CYP7B1: variants seen among roughly 807,000 people sequenced by gnomAD.
The protein encoded by CYP7B1 is cytochrome P450 family 7 subfamily B member 1, also known as cytochrome P450 7B1.
Under a neutral mutation model 42.7 loss-of-function variants are expected in CYP7B1, and 29 were observed. The observed-to-expected ratio is 0.68, with a 90% CI of 0.51 to 0.93. The LOEUF (loss-of-function observed/expected upper bound fraction) is 0.93. Ranked by LOEUF, CYP7B1 falls within the 40% of genes least tolerant of loss-of-function variation. The pLI is 0.00. For synonymous variants in CYP7B1, 235 were observed against 218.2 expected, an observed-to-expected ratio of 1.08 and a Z score of -0.68; for missense variants, 655 against 600.5, an observed-to-expected ratio of 1.09 and a Z score of -0.95.
chr8:64,736,703 C>A (rs977689003), intron 1 of CYP7B1, among the ~76,000 whole-genome samples: 1 of 152,232 alleles, frequency 6.6e-6, no homozygotes, highest in Non-Finnish European at 1.5e-5. Flanking sequence ...CCCGCCTCAG[C>A]CTCCCAAAGT....
intron 1 of CYP7B1, among the ~76,000 whole-genome samples, chr8:64,687,867 G>T (rs983922373): frequency 3.3e-5 from 5 of 152,136 alleles, no homozygotes; most frequent in African/African-American, 1.2e-4. Flanking sequence ...TTACTTATAG[G>T]TCTTTTCTCT....
chr8:64,634,199 TTAA>T (rs1469366021), intron 1 of CYP7B1, among the ~76,000 whole-genome samples: 1 of 152,192 alleles, frequency 6.6e-6, no homozygotes, highest in East Asian at 1.9e-4. Flanking sequence ...GATTGAGGTA[TTAA>T]TAATAACATT....
At chr8:64,786,661 C>A (rs980672152) in intron 1 of CYP7B1, among the ~76,000 whole-genome samples, 2 of 152,172 alleles carry the variant, frequency 1.3e-5, no homozygotes, top group Non-Finnish European at 2.9e-5. Flanking sequence ...GTCAGTGGAT[C>A]TACCATTATG....
chr8:64,694,364 C>T (rs144293391), intron 1 of CYP7B1, among the ~76,000 whole-genome samples: 156 of 152,266 alleles, frequency 1.0e-3, no homozygotes, highest in African/African-American at 3.4e-3. Context: ...TTTCTGTTTA[C>T]CTCCACTCTA....
At chr8:64,721,020 A>T (rs1807227516) in intron 1 of CYP7B1, among the ~76,000 whole-genome samples, 1 of 152,046 alleles carries the variant, frequency 6.6e-6, no homozygotes, top group African/African-American at 2.4e-5. Context: ...AAAACAAAAG[A>T]TCAAAATAAA....
chr8:64,781,590 C>T (rs1414334627), intron 1 of CYP7B1, among the ~76,000 whole-genome samples: 1 of 152,136 alleles, frequency 6.6e-6, no homozygotes, highest in Non-Finnish European at 1.5e-5. Flanking sequence ...TCAAGTATTT[C>T]TCAAATCATA....
At chr8:64,778,085 T>A (rs899104389) in intron 1 of CYP7B1, among the ~76,000 whole-genome samples, 1 of 151,154 alleles carries the variant, frequency 6.6e-6, no homozygotes, top group African/African-American at 2.4e-5. Context: ...TGATTTCATA[T>A]GTTCTAGGAA....
Position 64,709,711 on chromosome 8 carries a change from A to G in CYP7B1, c.123-85172T>C, listed in dbSNP as rs375262461. On this transcript the variant is annotated intron_variant, in intron 1 of 5. Coordinates refer to ENST00000310193, the MANE Select transcript of CYP7B1 (RefSeq NM_004820.5). The stretch of plus-strand genomic sequence containing the variant: ...TCATAATTTGTGTTACAAGCGCCAG[A>G]AAAAGGATAAACGGCATACACAGTG... 2.6e-5 allele frequency among the ~76,000 whole-genome samples: 4 copies of G among 152,228 alleles called. No homozygotes were observed. In the East Asian group the frequency reaches 5.8e-4, roughly 22 times the overall value.
intron 1 of CYP7B1, among the ~76,000 whole-genome samples, chr8:64,686,179 G>A (rs1806638454): frequency 2.9e-5 from 2 of 69,320 alleles, no homozygotes; most frequent in African/African-American, 5.6e-5. Flanking sequence ...CCCCTACTGG[G>A]AAGTGAGGAG....
At chr8:64,755,710 C>T (rs11996540) in intron 1 of CYP7B1, among the ~76,000 whole-genome samples, 40,939 of 152,068 alleles carry the variant, frequency 0.27, 6,791 homozygotes, top group African/African-American at 0.47. Flanking sequence ...CAAAATCAAT[C>T]ATATTATGTA....
chr8:64,664,228 C>T lies in CYP7B1; in HGVS notation c.123-39689G>A, dbSNP rs375642800. Among the ~76,000 whole-genome samples, 12 of 152,102 alleles carry T rather than the reference C, an allele frequency of 7.9e-5. No homozygotes were observed. In the South Asian group the frequency reaches 8.3e-4, roughly 10 times the overall value. On this transcript the variant is annotated intron_variant, in intron 1 of 5. Transcript: ENST00000310193. ...GGAGATGGAAGGCAGTATTTGAGAT[C>T]AGACCTGTCTATTTGCAATTTGAAT...
chr8:64,736,616 A>T (rs1807491565), intron 1 of CYP7B1, among the ~76,000 whole-genome samples: 2 of 151,782 alleles, frequency 1.3e-5, no homozygotes, highest in South Asian at 4.2e-4. Context: ...ACACCCAGCT[A>T]ATTTTTGTAT....
chr8:64,775,217 A>C (rs1563424045), intron 1 of CYP7B1, among the ~76,000 whole-genome samples: 1 of 152,116 alleles, frequency 6.6e-6, no homozygotes, highest in Non-Finnish European at 1.5e-5. Flanking sequence ...GATGTTTTTC[A>C]TGGCCTGAAC....
chr8:64,750,902 C>T (rs138347519), intron 1 of CYP7B1, among the ~76,000 whole-genome samples: 2 of 152,162 alleles, frequency 1.3e-5, no homozygotes, highest in East Asian at 3.8e-4. Flanking sequence ...ATCACTGATG[C>T]TACCTGTCCC....
chr8:64,760,766 A>G (rs920732971), intron 1 of CYP7B1, among the ~76,000 whole-genome samples: 2 of 152,138 alleles, frequency 1.3e-5, no homozygotes, highest in African/African-American at 4.8e-5. Flanking sequence ...GTAAATTGGT[A>G]TACCCATTAC....
At chr8:64,674,952 G>T (rs892231184) in intron 1 of CYP7B1, among the ~76,000 whole-genome samples, 6 of 151,904 alleles carry the variant, frequency 3.9e-5, no homozygotes, top group African/African-American at 1.2e-4. Context: ...TATGACTGGG[G>T]CTTATCACCG....
intron 1 of CYP7B1, among the ~76,000 whole-genome samples, chr8:64,639,005 GTC>G (rs893202457): frequency 6.6e-6 from 1 of 152,026 alleles, no homozygotes; most frequent in Non-Finnish European, 1.5e-5. Flanking sequence ...GGGTTCTAGT[GTC>G]TCTCTCTCCT....
chr8:64,714,765 C>T (rs528914596), intron 1 of CYP7B1, among the ~76,000 whole-genome samples: 29 of 148,540 alleles, frequency 2.0e-4, no homozygotes, highest in Non-Finnish European at 3.3e-4. Context: ...AATGACTGCA[C>T]ACAATGATGG....
chr8:64,619,438 T>C (rs1229983693), intron 2 of CYP7B1, among the ~76,000 whole-genome samples: 1 of 152,202 alleles, frequency 6.6e-6, no homozygotes, highest in East Asian at 1.9e-4. Flanking sequence ...GCAGTTGATA[T>C]GAAATATTGA....
Sources: gnomAD v4.1 joint callset for allele counts (sites outside exome capture counted in the v4.1 genomes callset) on GRCh38, gnomAD v4.1.1 for gene constraint, MANE v1.5 for transcripts, NCBI Gene and HGNC (gene_info 2026-07-23, HGNC 2026-07-21) for gene names.